Variants in ZNF493 observed in about 807,000 individuals in gnomAD.
The protein encoded by ZNF493 is zinc finger protein 493.
In ZNF493, 11 loss-of-function variants were observed where a neutral mutation model predicts 12.2. The observed-to-expected ratio is 0.90, with a 90% CI of 0.57 to 1.50. The LOEUF (loss-of-function observed/expected upper bound fraction) is 1.50. Ranked by LOEUF, ZNF493 falls within the 40% of genes most tolerant of loss-of-function variation. The pLI is 0.00. For synonymous variants in ZNF493, 286 were observed against 302.6 expected (o/e 0.95, Z 0.57); for missense variants, 950 against 906.6 (o/e 1.05, Z -0.61).
intron 3 of ZNF493, among the ~76,000 whole-genome samples, chr19:21,417,193 T>C (rs1043430264): frequency 9.2e-5 from 14 of 152,344 alleles, no homozygotes; most frequent in Admixed American, 1.3e-4. Context: ...CTCAGTAGTT[T>C]TCTTTTTTCC....
At position 21,405,745 on chromosome 19, in the gene ZNF493, A is replaced by C; in HGVS notation, c.158-16A>C. The C allele has an allele frequency of 3.7e-6, 6 of 1,602,118 alleles. No individual in the cohort carries two copies. The highest frequency in any genetic ancestry group is 4.3e-6 in the Non-Finnish European group (5 of 1,171,182). On this transcript the variant is annotated splice_polypyrimidine_tract_variant and intron_variant, in intron 2 of 3. Coordinates refer to ENST00000392288, the MANE Select transcript of ZNF493 (RefSeq NM_001076678.3). ...AATATGAGCAAGATTCATGTTATTT[A>C]TTTTTAATAAAGCAGGTATTGCTGT...
chr19:21,403,890 C>T (rs773750425), intron 1 of ZNF493, among the ~76,000 whole-genome samples: 5 of 152,120 alleles, frequency 3.3e-5, no homozygotes, highest in African/African-American at 4.8e-5. Flanking sequence ...GCTTCTTATA[C>T]GCCATGCAGA....
Position 21,426,596 on chromosome 19 carries a change from GTCAC to G in ZNF493, c.*1616_*1619del, listed in dbSNP as rs1425086597. The G allele has an allele frequency of 6.0e-6, 1 of 166,792 alleles. No individual in the cohort carries two copies. Among genetic ancestry groups the G allele is most frequent in the Non-Finnish European group, 1.5e-5 (1 of 68,048 alleles). The allele number at this position is 166,792 out of a possible 1,614,324, so 10.3% of individuals were successfully genotyped here. On this transcript the variant is annotated 3_prime_UTR_variant, in exon 4 of 4. Coordinates refer to ENST00000392288, the MANE Select transcript of ZNF493 (RefSeq NM_001076678.3). ...TGTACTACAGAAAAACTCTGAAGAGGTCACTCAAACTTTGTTCAACATCAGGGAA... is the reference window on the plus strand; with the variant it reads ...TGTACTACAGAAAAACTCTGAAGAGGTCAAACTTTGTTCAACATCAGGGAA...
chr19:21,421,487 T>G (rs1051353685), intron 3 of ZNF493, among the ~76,000 whole-genome samples: 1 of 152,090 alleles, frequency 6.6e-6, no homozygotes, highest in Non-Finnish European at 1.5e-5. Context: ...TGCCTCAGAC[T>G]CCCAAGTAGA....
chr19:21,423,454 C>A lies in ZNF493; in HGVS notation c.795C>A (p.Tyr265Ter), dbSNP rs1487218019. 1 of 1,613,668 alleles carries A rather than the reference C, an allele frequency of 6.2e-7. No homozygotes were observed. Among genetic ancestry groups the A allele is most frequent in the Non-Finnish European group, 8.5e-7 (1 of 1,179,800 alleles). Residue 265 changes from tyrosine (Y) to a stop codon, truncating the protein, a stop_gained, in exon 4 of 4, where the codon TAC (tyrosine) becomes TAA (stop). Coordinates refer to ENST00000392288, the MANE Select transcript of ZNF493 (RefSeq NM_001076678.3). LOFTEE classifies it low-confidence loss of function (END_TRUNC). ...HKRIHTGQKP[Y>*]KCEECGTSFY... ...GAATTCATACTGGACAGAAACCCTA[C>A]AAATGTGAAGAATGTGGCACATCTT...
intron 3 of ZNF493, among the ~76,000 whole-genome samples, chr19:21,410,465 CTG>C (rs2030287797): frequency 6.6e-6 from 1 of 151,976 alleles, no homozygotes; most frequent in African/African-American, 2.4e-5. Context: ...TATTAATTTT[CTG>C]TGTCATTTCA....
intron 1 of ZNF493, chr19:21,398,878 A>G (rs557148227): frequency 6.5e-6 from 1 of 153,286 alleles, no homozygotes; most frequent in Admixed American, 6.5e-5. Flanking sequence ...TAGTAAAAGA[A>G]AAAGAGTAAA....
chr19:21,421,853 T>C (rs934473951), intron 3 of ZNF493, among the ~76,000 whole-genome samples: 11 of 152,162 alleles, frequency 7.2e-5, no homozygotes, highest in African/African-American at 2.7e-4. Flanking sequence ...AAATTATTCA[T>C]CTTTTTTTTT....
chr19:21,415,977 T>A (rs531745213), intron 3 of ZNF493, among the ~76,000 whole-genome samples: 3 of 152,234 alleles, frequency 2.0e-5, no homozygotes, highest in Non-Finnish European at 4.4e-5. Context: ...TTTACCTGAT[T>A]TTTTCTTAAT....
intron 3 of ZNF493, chr19:21,408,718 A>C: frequency 1.0e-6 from 1 of 985,146 alleles, no homozygotes; most frequent in Non-Finnish European, 1.2e-6. Context: ...ATGTATTATA[A>C]TTTTAGTCAA....
chr19:21,399,866 TAC>T (rs929210314), intron 1 of ZNF493, among the ~76,000 whole-genome samples: 2 of 152,188 alleles, frequency 1.3e-5, no homozygotes, highest in African/African-American at 4.8e-5. Flanking sequence ...ATTGGTGAGT[TAC>T]GTAGATTCAT....
chr19:21,417,817 G>C (rs1376483033), intron 3 of ZNF493, among the ~76,000 whole-genome samples: 2 of 152,166 alleles, frequency 1.3e-5, no homozygotes, highest in Non-Finnish European at 2.9e-5. Context: ...AACTGGGCAG[G>C]AGTTAGACAA....
Position 21,405,984 on chromosome 19 carries a change from G to A in ZNF493, c.253+128G>A, listed in dbSNP as rs2030112776. The A allele has an allele frequency of 3.2e-5, 19 of 601,208 alleles. No homozygotes were observed. In the South Asian group the frequency reaches 6.3e-4, roughly 20 times the overall value. The allele number at this position is 601,208 out of a possible 1,614,324, so 37.2% of individuals were successfully genotyped here. A position where few individuals can be genotyped will look rare whatever the true frequency, so the allele number is the denominator to read the frequency against. ...GCCTGTAGTCCCAGGACTTTGGGAG[G>A]CCAAGGCAGGTGGATCACCTGAGCT... On this transcript the variant is annotated intron_variant, in intron 3 of 3. Transcript: ENST00000392288.
chr19:21,413,771 AGTT>A (rs1244285393), intron 3 of ZNF493: 1 of 275,014 alleles, frequency 3.6e-6, no homozygotes, highest in Non-Finnish European at 6.7e-6. Context: ...CCACCAAATC[AGTT>A]GTTCTGCTTC....
At position 21,424,037 on chromosome 19, in the gene ZNF493, C is replaced by T; in HGVS notation, c.1378C>T (p.Pro460Ser). Residue 460 changes from proline (P) to serine (S), a missense_variant, in exon 4 of 4, where the codon CCC (proline) becomes TCC (serine). Physicochemically the swap from Pro to Ser is moderately conservative, Grantham distance 74. Coordinates refer to ENST00000392288, the MANE Select transcript of ZNF493 (RefSeq NM_001076678.3). ...KHKIIHTEEK[P>S]YKCEECGKAF... The stretch of plus-strand genomic sequence containing the variant: ...TAAAATAATTCATACAGAAGAGAAA[C>T]CCTACAAATGTGAAGAATGTGGCAA... 1 of 1,613,282 alleles carries T rather than the reference C, an allele frequency of 6.2e-7. No homozygotes were observed. The highest frequency in any genetic ancestry group is 1.1e-5 in the South Asian group (1 of 91,038).
chr19:21,417,332 G>A (rs772707014), intron 3 of ZNF493, among the ~76,000 whole-genome samples: 2 of 152,088 alleles, frequency 1.3e-5, no homozygotes, highest in Admixed American at 6.6e-5. Context: ...GTCGTTGCCT[G>A]TGCTAGCAGA....
chr19:21,408,283 G>A (rs556778054), intron 3 of ZNF493: 152 of 590,230 alleles, frequency 2.6e-4, no homozygotes, highest in Non-Finnish European at 3.0e-4. Context: ...CCACCAGCAC[G>A]CCCAGCTAAT....
intron 3 of ZNF493, 92 bp downstream of exon 3, chr19:21,405,948 C>T: frequency 1.0e-6 from 1 of 978,882 alleles, no homozygotes; most frequent in Non-Finnish European, 1.4e-6. Context: ...TGGCCGGGAG[C>T]AATGGCTCAT....
chr19:21,405,390 A>T, intron 2 of ZNF493, 135 bp downstream of exon 2: 1 of 1,483,520 alleles, frequency 6.7e-7, no homozygotes. Context: ...ATCTTGAAGA[A>T]CTGTCCGTGT....
Sources: gnomAD v4.1 joint callset for allele counts (sites outside exome capture counted in the v4.1 genomes callset) on GRCh38, gnomAD v4.1.1 for gene constraint, MANE v1.5 for transcripts, NCBI Gene and HGNC (gene_info 2026-07-23, HGNC 2026-07-21) for gene names.